PTPRD: variants seen among roughly 807,000 people sequenced by gnomAD.
The protein encoded by PTPRD is receptor-type tyrosine-protein phosphatase delta.
In PTPRD, 34 loss-of-function variants were observed where a neutral mutation model predicts 214.5. That is an observed-to-expected ratio of 0.16 (90% CI 0.12 to 0.21). The LOEUF (loss-of-function observed/expected upper bound fraction) is 0.21. Among genes scored for constraint, PTPRD ranks in the 10% least tolerant of loss-of-function variants. The pLI is 1.00. For missense variants in PTPRD, 2,545 were observed against 2,398.7 expected, an observed-to-expected ratio of 1.06 and a Z score of -1.27; for synonymous variants, 1,128 against 845.7, an observed-to-expected ratio of 1.33 and a Z score of -5.79.
chr9:9,447,002 T>A (rs538866376), intron 8 of PTPRD, among the ~76,000 whole-genome samples: 4 of 152,130 alleles, frequency 2.6e-5, no homozygotes, highest in African/African-American at 9.6e-5. Flanking sequence ...TATTATAAAA[T>A]GTCAATAATA....
intron 5 of PTPRD, among the ~76,000 whole-genome samples, chr9:9,881,952 G>A (rs10121484): frequency 0.025 from 3,788 of 152,042 alleles, 58 homozygotes; most frequent in Middle Eastern, 0.044. Flanking sequence ...GCAACACCCT[G>A]GGCCTGTAAA....
intron 10 of PTPRD, among the ~76,000 whole-genome samples, chr9:9,111,899 C>T (rs1569545328): frequency 6.6e-6 from 1 of 152,078 alleles, no homozygotes; most frequent in Non-Finnish European, 1.5e-5. Flanking sequence ...CTTTCCTCTG[C>T]TCATTAAGGA....
intron 11 of PTPRD, among the ~76,000 whole-genome samples, chr9:8,985,417 C>T (rs538980209): frequency 6.6e-6 from 1 of 152,084 alleles, no homozygotes; most frequent in Middle Eastern, 3.4e-3. Context: ...CAACATAGAT[C>T]CATTAATACA....
At chr9:9,703,497 G>C (rs2097540239) in intron 7 of PTPRD, among the ~76,000 whole-genome samples, 1 of 152,036 alleles carries the variant, frequency 6.6e-6, no homozygotes, top group Admixed American at 6.6e-5. Context: ...AGAAACTTAG[G>C]TTTCACCCCA....
intron 10 of PTPRD, among the ~76,000 whole-genome samples, chr9:9,172,033 T>C (rs569228070): frequency 1.3e-5 from 2 of 152,270 alleles, no homozygotes; most frequent in South Asian, 4.1e-4. Context: ...GTAATTCAGG[T>C]AACTCACAGT....
At chr9:8,536,449 G>A (rs1214019707) in intron 14 of PTPRD, among the ~76,000 whole-genome samples, 1 of 151,582 alleles carries the variant, frequency 6.6e-6, no homozygotes. Context: ...GTATATAAAT[G>A]TATATATGTG....
chr9:9,592,373 G>A (rs1266217476), intron 7 of PTPRD, among the ~76,000 whole-genome samples: 1 of 152,000 alleles, frequency 6.6e-6, no homozygotes, highest in Non-Finnish European at 1.5e-5. Context: ...AGAACACACT[G>A]TCGTTGTGTT....
chr9:9,080,637 C>A (rs974153283), intron 10 of PTPRD, among the ~76,000 whole-genome samples: 5 of 152,082 alleles, frequency 3.3e-5, no homozygotes, highest in African/African-American at 1.2e-4. Context: ...TCACAAAGCT[C>A]TATCTCTCTT....
chr9:8,989,662 C>T (rs1447411255), intron 11 of PTPRD, among the ~76,000 whole-genome samples: 2 of 151,924 alleles, frequency 1.3e-5, no homozygotes, highest in East Asian at 1.9e-4. Context: ...CTAAATCCCA[C>T]CCTGATTTTA....
intron 34 of PTPRD, among the ~76,000 whole-genome samples, chr9:8,445,480 G>C (rs2095687806): frequency 6.6e-6 from 1 of 151,956 alleles, no homozygotes; most frequent in Admixed American, 6.6e-5. Context: ...AGACTGACAG[G>C]ATATTTTTTT....
At chr9:9,351,268 T>A (rs918419378) in intron 9 of PTPRD, among the ~76,000 whole-genome samples, 1 of 151,784 alleles carries the variant, frequency 6.6e-6, no homozygotes, top group South Asian at 2.1e-4. Context: ...AAAGAGAACA[T>A]AAAAAGAGGA....
intron 3 of PTPRD, among the ~76,000 whole-genome samples, chr9:10,330,469 T>C (rs370802670): frequency 1.3e-5 from 2 of 151,824 alleles, no homozygotes; most frequent in South Asian, 4.1e-4. Flanking sequence ...CCCCAACACA[T>C]TTTTTGTTCC....
At chr9:8,804,784 C>A (rs777498578) in intron 11 of PTPRD, among the ~76,000 whole-genome samples, 2 of 152,086 alleles carry the variant, frequency 1.3e-5, no homozygotes, top group African/African-American at 4.8e-5. Context: ...AGAGTAACTG[C>A]GACATGATCC....
chr9:9,598,211 T>C (rs1276183588), intron 7 of PTPRD, among the ~76,000 whole-genome samples: 4 of 152,070 alleles, frequency 2.6e-5, no homozygotes, highest in East Asian at 1.9e-4. Context: ...AATGAGAAAA[T>C]AGCCCTCCTT....
chr9:10,008,991 C>G (rs374244917), intron 4 of PTPRD, among the ~76,000 whole-genome samples: 1 of 145,320 alleles, frequency 6.9e-6, no homozygotes, highest in Non-Finnish European at 1.5e-5. Flanking sequence ...CCCTTTTTTT[C>G]TCTGATTGCT....
At chr9:10,452,378 AT>A (rs112539878) in intron 2 of PTPRD, among the ~76,000 whole-genome samples, 3,307 of 150,474 alleles carry the variant, frequency 0.022, 101 homozygotes, top group African/African-American at 0.068. Context: ...CTCTATTTTT[AT>A]TTTTTTTTGA....
At chr9:9,528,918 GTTTC>G (rs1225763999) in intron 8 of PTPRD, among the ~76,000 whole-genome samples, 5 of 148,386 alleles carry the variant, frequency 3.4e-5, no homozygotes, top group Non-Finnish European at 5.9e-5. Flanking sequence ...GAATTTACCA[GTTTC>G]TTTCTTTGTT....
At chr9:9,427,881 C>G (rs886184848) in intron 8 of PTPRD, among the ~76,000 whole-genome samples, 4 of 152,136 alleles carry the variant, frequency 2.6e-5, no homozygotes, top group Non-Finnish European at 5.9e-5. Flanking sequence ...TTGTCACCAC[C>G]AGGCCTGCCT....
intron 3 of PTPRD, among the ~76,000 whole-genome samples, chr9:10,316,293 C>T (rs1245904843): frequency 6.6e-6 from 1 of 151,372 alleles, no homozygotes; most frequent in Non-Finnish European, 1.5e-5. Flanking sequence ...AGCATATTGT[C>T]CTCTACTATA....
Sources: gnomAD v4.1 joint callset for allele counts (sites outside exome capture counted in the v4.1 genomes callset) on GRCh38, gnomAD v4.1.1 for gene constraint, MANE v1.5 for transcripts, NCBI Gene and HGNC (gene_info 2026-07-23, HGNC 2026-07-21) for gene names.